DPYS: variants seen among roughly 807,000 people sequenced by gnomAD.
DPYS encodes dihydropyrimidine amidohydrolase.
Under a neutral mutation model 50.3 loss-of-function variants are expected in DPYS, and 39 were observed. The ratio of observed to expected loss-of-function variants is 0.78; its 90% confidence interval spans 0.60 to 1.01. DPYS has a LOEUF of 1.01. Ranked by LOEUF, DPYS falls within the 50% of genes least tolerant of loss-of-function variation. DPYS has a pLI of 0.00. For synonymous variants in DPYS, 245 were observed against 250.7 expected, an observed-to-expected ratio of 0.98 and a Z score of 0.22; for missense variants, 659 against 680.9, an observed-to-expected ratio of 0.97 and a Z score of 0.36.
At chr8:104,387,388 A>G (rs1333756278) in intron 8 of DPYS, among the ~76,000 whole-genome samples, 1 of 152,240 alleles carries the variant, frequency 6.6e-6, no homozygotes, top group African/African-American at 2.4e-5. Flanking sequence ...TGAGCTACAA[A>G]GCTGGGCTGT....
chr8:104,383,006 G>C (rs1320549537), intron 8 of DPYS, among the ~76,000 whole-genome samples: 1 of 152,094 alleles, frequency 6.6e-6, no homozygotes, highest in African/African-American at 2.4e-5. Context: ...TGTCTGTCCT[G>C]GACTCCGTCT....
rs778726697 is a variant in DPYS, at chr8:104,451,289, C to CA, written c.379dup (p.Cys127LeufsTer14). The CA allele has an allele frequency of 6.2e-7, 1 of 1,614,158 alleles. No homozygotes were observed. The highest frequency in any genetic ancestry group is 1.1e-5 in the South Asian group (1 of 91,082). On this transcript the variant is annotated frameshift_variant, in exon 2 of 10. Transcript: ENST00000351513. LOFTEE classifies it high-confidence loss of function. ...CACTGCCACATGAAGGCTGTAGTCG[C>CA]AGCAAACTTTGGGATCAGCCCAGCT...
intron 1 of DPYS, among the ~76,000 whole-genome samples, chr8:104,463,631 A>G (rs893358572): frequency 2.0e-5 from 3 of 152,236 alleles, no homozygotes; most frequent in African/African-American, 7.2e-5. Flanking sequence ...AGACAATGGC[A>G]TCTGGGATTT....
intron 7 of DPYS, chr8:104,418,646 C>A (rs564523436): frequency 1.3e-5 from 2 of 152,448 alleles, no homozygotes; most frequent in African/African-American, 2.4e-5. Context: ...CCTAGAACCC[C>A]CTGTCAATGC....
At chr8:104,436,244 A>G (rs1345253596) in intron 4 of DPYS, among the ~76,000 whole-genome samples, 1 of 152,194 alleles carries the variant, frequency 6.6e-6, no homozygotes, top group Non-Finnish European at 1.5e-5. Context: ...CGGACAGCCA[A>G]GGATCACCAG....
intron 4 of DPYS, among the ~76,000 whole-genome samples, chr8:104,436,792 C>T (rs533965842): frequency 4.6e-5 from 7 of 151,994 alleles, no homozygotes; most frequent in African/African-American, 1.7e-4. Context: ...CCCAGGAGTT[C>T]GAGACCAGGC....
intron 8 of DPYS, among the ~76,000 whole-genome samples, chr8:104,384,068 G>C (rs1199293887): frequency 6.6e-6 from 1 of 152,132 alleles, no homozygotes; most frequent in African/African-American, 2.4e-5. Context: ...GCCTGCCTCT[G>C]AGGCTCTGGG....
chr8:104,425,192 A>C (rs1435372863), intron 6 of DPYS, among the ~76,000 whole-genome samples: 1 of 151,908 alleles, frequency 6.6e-6, no homozygotes, highest in Non-Finnish European at 1.5e-5. Context: ...TATAGAGGAT[A>C]GGTGACAACA....
chr8:104,456,960 G>C (rs181455241), intron 1 of DPYS, among the ~76,000 whole-genome samples: 1 of 152,162 alleles, frequency 6.6e-6, no homozygotes, highest in Non-Finnish European at 1.5e-5. Flanking sequence ...GAAAGTACAG[G>C]AGTTATCCCT....
intron 7 of DPYS, among the ~76,000 whole-genome samples, chr8:104,408,958 C>T (rs896783277): frequency 3.0e-4 from 45 of 151,608 alleles, no homozygotes; most frequent in Non-Finnish European, 6.3e-4. Flanking sequence ...GGATTACAGG[C>T]GCCGGCCACC....
chr8:104,428,477 A>G (rs1812814689), intron 5 of DPYS, among the ~76,000 whole-genome samples: 1 of 152,248 alleles, frequency 6.6e-6, no homozygotes, highest in Admixed American at 6.5e-5. Context: ...CAGAATCACC[A>G]GCAAATATGT....
At chr8:104,409,579 A>G (rs1812106736) in intron 7 of DPYS, among the ~76,000 whole-genome samples, 1 of 152,172 alleles carries the variant, frequency 6.6e-6, no homozygotes. Context: ...TGACAAAACA[A>G]ACTGAAATTT....
In DPYS at chr8:104,449,813, A is replaced by G. The variant is rs528135823; in HGVS notation, c.423+1433T>C. ...AGAGGAAAGGAACAGGTTCTCCCTC[A>G]GAGCCCTCAGAAGGAACCAACCCTG... is the stretch of plus-strand genomic sequence containing the variant. On this transcript the variant is annotated intron_variant, in intron 2 of 9. Transcript: ENST00000351513. Among the ~76,000 whole-genome samples, 3 of 152,316 alleles carry G rather than the reference A, an allele frequency of 2.0e-5. No individual in the cohort carries two copies. The East Asian group carries it at 5.8e-4, about 29-fold the overall frequency.
At chr8:104,415,939 CACTA>C (rs1480774622) in intron 7 of DPYS, among the ~76,000 whole-genome samples, 1 of 152,272 alleles carries the variant, frequency 6.6e-6, no homozygotes, top group South Asian at 2.1e-4. Flanking sequence ...TATCTATTAC[CACTA>C]ACTGACTACC....
Position 104,420,430 on chromosome 8 carries a change from A to T in DPYS, c.1235+3817T>A, listed in dbSNP as rs76241471. 49 of 152,252 alleles carry T rather than the reference A, an allele frequency of 3.2e-4. No individual in the cohort carries two copies. The East Asian group carries it at 8.3e-3, about 26-fold the overall frequency. The allele number at this position is 152,252 out of a possible 1,614,324, so 9.4% of individuals were successfully genotyped here. ...CAACGATCTCTCTCTTTTAACGTGA[A>T]CCACAACAAACACGCTTTCTCCTTG... On this transcript the variant is annotated intron_variant, in intron 7 of 9. Coordinates refer to ENST00000351513, the MANE Select transcript of DPYS (RefSeq NM_001385.3).
At chr8:104,424,198 G>T in intron 7 of DPYS, 49 bp downstream of exon 7, 1 of 1,613,634 alleles carries the variant, frequency 6.2e-7, no homozygotes. Flanking sequence ...GTGCAAGTTA[G>T]TGCATTTTCT....
chr8:104,383,689 C>T (rs1250881899), intron 8 of DPYS, among the ~76,000 whole-genome samples: 2 of 151,906 alleles, frequency 1.3e-5, no homozygotes, highest in Non-Finnish European at 2.9e-5. Flanking sequence ...GCAAACTCCA[C>T]CTCCTATGTG....
At chr8:104,458,307 C>T (rs1814000890) in intron 1 of DPYS, among the ~76,000 whole-genome samples, 1 of 152,182 alleles carries the variant, frequency 6.6e-6, no homozygotes, top group African/African-American at 2.4e-5. Context: ...TTAGCTTTCT[C>T]CAAAGCTGTC....
chr8:104,440,294 C>CTTTTTTTTTTTTTTTTTTTGTTTTTTTT (rs1564105066), intron 4 of DPYS, among the ~76,000 whole-genome samples: 1 of 152,068 alleles, frequency 6.6e-6, no homozygotes, highest in African/African-American at 2.4e-5. Context: ...AATTGGATCT[C>CTTTTTTTTTTTTTTTTTTTGTTTTTTTT]CTTTGTGCCT....
Sources: allele counts gnomAD v4.1 joint callset (sites outside exome capture counted in the v4.1 genomes callset), GRCh38; gene constraint gnomAD v4.1.1; transcripts MANE v1.5; gene names NCBI Gene and HGNC (gene_info 2026-07-23, HGNC 2026-07-21).